Variants in DGKI observed in about 807,000 individuals in gnomAD.
DGKI encodes DAG kinase iota.
Under a neutral mutation model 147.5 loss-of-function variants are expected in DGKI, and 55 were observed. That is an observed-to-expected ratio of 0.37 (90% CI 0.30 to 0.47). The LOEUF (loss-of-function observed/expected upper bound fraction) is 0.47, where lower values mean the gene tolerates loss of function less well. Ranked by LOEUF, DGKI falls within the 20% of genes least tolerant of loss-of-function variation. DGKI has a pLI of 1.00. For missense variants in DGKI, 1,007 were observed against 1,323.8 expected, an observed-to-expected ratio of 0.76 and a Z score of 3.71; for synonymous variants, 469 against 477.1, an observed-to-expected ratio of 0.98 and a Z score of 0.22.
At chr7:137,505,940 A>T (rs945507723) in intron 21 of DGKI, among the ~76,000 whole-genome samples, 11 of 138,782 alleles carry the variant, frequency 7.9e-5, no homozygotes, top group African/African-American at 2.5e-4. Flanking sequence ...GGCTAAAATT[A>T]AAAAAAACCA....
chr7:137,573,109 G>T (rs1475916306), intron 17 of DGKI, among the ~76,000 whole-genome samples: 2 of 152,044 alleles, frequency 1.3e-5, no homozygotes, highest in Non-Finnish European at 2.9e-5. Context: ...ACAATCAAAG[G>T]AAATATTATC....
chr7:137,598,304 T>C (rs1440495293), intron 11 of DGKI, among the ~76,000 whole-genome samples: 1 of 152,224 alleles, frequency 6.6e-6, no homozygotes, highest in East Asian at 1.9e-4. Flanking sequence ...GTAGTCCTTA[T>C]ATATCCCCTC....
chr7:137,529,885 GATTACAGGA>G (rs1817281771), intron 20 of DGKI, among the ~76,000 whole-genome samples: 4 of 152,092 alleles, frequency 2.6e-5, no homozygotes, highest in Admixed American at 1.3e-4. Context: ...GAGTAGCTTG[GATTACAGGA>G]GTGTGCCAAT....
intron 1 of DGKI, among the ~76,000 whole-genome samples, chr7:137,729,193 C>T (rs959612017): frequency 6.6e-6 from 1 of 152,092 alleles, no homozygotes; most frequent in Non-Finnish European, 1.5e-5. Flanking sequence ...CCTACTAATA[C>T]AAAGACATTT....
intron 28 of DGKI, among the ~76,000 whole-genome samples, chr7:137,438,773 T>C (rs1420553509): frequency 6.6e-6 from 1 of 152,196 alleles, no homozygotes; most frequent in Non-Finnish European, 1.5e-5. Flanking sequence ...ATGAAATGCA[T>C]ATGGCACTCA....
chr7:137,531,293 G>C (rs563725377), intron 20 of DGKI, among the ~76,000 whole-genome samples: 3 of 152,114 alleles, frequency 2.0e-5, no homozygotes, highest in Admixed American at 6.6e-5. Flanking sequence ...CATCACATCA[G>C]GCCAAAATCA....
At chr7:137,610,990 G>A (rs1219796224) in intron 8 of DGKI, among the ~76,000 whole-genome samples, 1 of 152,128 alleles carries the variant, frequency 6.6e-6, no homozygotes, top group Non-Finnish European at 1.5e-5. Flanking sequence ...GAGCTCATGG[G>A]TGCTCTAGAC....
At chr7:137,633,399 G>A (rs73461033) in intron 6 of DGKI, among the ~76,000 whole-genome samples, 4,318 of 152,248 alleles carry the variant, frequency 0.028, 223 homozygotes, top group African/African-American at 0.099. Context: ...GGAAGCCCAA[G>A]TGAAAGCTTC....
intron 6 of DGKI, among the ~76,000 whole-genome samples, 178 bp from the exon 7 acceptor site, chr7:137,623,732 C>A (rs1023409761): frequency 1.3e-5 from 2 of 152,150 alleles, no homozygotes; most frequent in African/African-American, 4.8e-5. Context: ...TTTCTGCCTG[C>A]AATGATTTTC....
At chr7:137,689,364 A>ATAGT (rs1823528542) in intron 2 of DGKI, among the ~76,000 whole-genome samples, 1 of 152,238 alleles carries the variant, frequency 6.6e-6, no homozygotes, top group Non-Finnish European at 1.5e-5. Flanking sequence ...AGTCAAGTTA[A>ATAGT]TAGTTTTTGT....
At chr7:137,842,908 A>T (rs931019639) in intron 1 of DGKI, among the ~76,000 whole-genome samples, 8 of 152,204 alleles carry the variant, frequency 5.3e-5, no homozygotes, top group Non-Finnish European at 8.8e-5. Flanking sequence ...AAGATAACTC[A>T]CACTGCACAC....
chr7:137,645,975 C>T (rs893528304), intron 5 of DGKI, among the ~76,000 whole-genome samples: 1 of 152,118 alleles, frequency 6.6e-6, no homozygotes, highest in African/African-American at 2.4e-5. Flanking sequence ...GGCAAGTGGC[C>T]ACACGAGATT....
intron 8 of DGKI, among the ~76,000 whole-genome samples, chr7:137,614,365 T>C (rs1455627705): frequency 1.3e-5 from 2 of 152,172 alleles, no homozygotes; most frequent in African/African-American, 4.8e-5. Context: ...TTCTACAACT[T>C]GACCCCACAG....
chr7:137,767,625 G>A (rs1481216436), intron 1 of DGKI, among the ~76,000 whole-genome samples: 1 of 152,084 alleles, frequency 6.6e-6, no homozygotes, highest in Non-Finnish European at 1.5e-5. Flanking sequence ...ATATACATGT[G>A]GCTCCACTAT....
chr7:137,711,268 C>T (rs1166420460), intron 1 of DGKI, among the ~76,000 whole-genome samples: 1 of 152,134 alleles, frequency 6.6e-6, no homozygotes, highest in Non-Finnish European at 1.5e-5. Context: ...TAGATAATCT[C>T]TGGTATATAC....
chr7:137,466,314 G>C (rs1166789660), intron 25 of DGKI, among the ~76,000 whole-genome samples: 1 of 152,192 alleles, frequency 6.6e-6, no homozygotes, highest in East Asian at 1.9e-4. Context: ...TTAGAGAAGT[G>C]ACACCCACAT....
intron 1 of DGKI, among the ~76,000 whole-genome samples, chr7:137,791,429 A>C (rs1796852087): frequency 1.3e-5 from 2 of 152,200 alleles, no homozygotes; most frequent in South Asian, 2.1e-4. Context: ...ATTGGTATTA[A>C]ACACTAAAGA....
chr7:137,568,334 C>T (rs934482733), intron 19 of DGKI, among the ~76,000 whole-genome samples: 6 of 152,174 alleles, frequency 3.9e-5, no homozygotes, highest in African/African-American at 1.4e-4. Context: ...TGGTAAAATT[C>T]AGTCAGTCAC....
chr7:137,616,068 AC>A (rs1186993423), intron 8 of DGKI, among the ~76,000 whole-genome samples: 2 of 152,246 alleles, frequency 1.3e-5, no homozygotes, highest in Admixed American at 6.5e-5. Flanking sequence ...AATTTTTAAA[AC>A]ATCTGATTCA....
Sources: allele counts gnomAD v4.1 joint callset (sites outside exome capture counted in the v4.1 genomes callset), GRCh38; gene constraint gnomAD v4.1.1; transcripts MANE v1.5; gene names NCBI Gene and HGNC (gene_info 2026-07-23, HGNC 2026-07-21).